Variants in AKAP7 observed in about 807,000 individuals in gnomAD.
AKAP7 encodes A kinase (PRKA) anchor protein 7.
A neutral mutation model predicts 39.5 loss-of-function variants in AKAP7; 39 were observed. The observed-to-expected ratio is 0.99, with a 90% CI of 0.76 to 1.29. AKAP7 has a LOEUF of 1.29. Among genes scored for constraint, AKAP7 ranks in the 50% most tolerant of loss-of-function variants. The probability of loss-of-function intolerance (pLI) is 0.00; values close to 1 mark genes in which losing one functional copy is unlikely to be tolerated. For missense variants in AKAP7, 414 were observed against 407.7 expected (o/e 1.02, Z -0.13); for synonymous variants, 140 against 139.1 (o/e 1.01, Z -0.05).
chr6:131,270,029 A>G (rs982436189), intron 7 of AKAP7, among the ~76,000 whole-genome samples: 18 of 152,196 alleles, frequency 1.2e-4, no homozygotes, highest in South Asian at 2.1e-4. Context: ...GTTGACCCCA[A>G]TAGAGGCTGA....
intron 1 of AKAP7, 24 bp downstream of exon 1, chr6:131,135,806 C>A: frequency 1.6e-6 from 2 of 1,227,136 alleles, no homozygotes; most frequent in Non-Finnish European, 2.0e-6. Context: ...GTCCAGCGGG[C>A]CGGGGCGGGG....
intron 1 of AKAP7, among the ~76,000 whole-genome samples, chr6:131,137,918 C>T (rs1800707743): frequency 6.6e-6 from 1 of 152,176 alleles, no homozygotes; most frequent in East Asian, 1.9e-4. Flanking sequence ...AATTGTAAAT[C>T]ATAGAGCATA....
At chr6:131,155,961 G>A (rs979170254) in intron 2 of AKAP7, among the ~76,000 whole-genome samples, 3 of 152,188 alleles carry the variant, frequency 2.0e-5, no homozygotes, top group Admixed American at 1.3e-4. Flanking sequence ...CCAAGGATTA[G>A]TAAGATTTTT....
chr6:131,225,098 T>G (rs2128301703), intron 7 of AKAP7, among the ~76,000 whole-genome samples: 1 of 152,208 alleles, frequency 6.6e-6, no homozygotes, highest in African/African-American at 2.4e-5. Context: ...TATTCTTTGC[T>G]TCATGGATAT....
At chr6:131,196,483 C>A (rs1028447565) in intron 5 of AKAP7, among the ~76,000 whole-genome samples, 1 of 151,990 alleles carries the variant, frequency 6.6e-6, no homozygotes, top group Non-Finnish European at 1.5e-5. Context: ...AGGCTGGTCT[C>A]GAACTTCTGA....
At chr6:131,213,320 G>C (rs1379603353) in intron 6 of AKAP7, among the ~76,000 whole-genome samples, 1 of 152,122 alleles carries the variant, frequency 6.6e-6, no homozygotes, top group East Asian at 1.9e-4. Flanking sequence ...TATACCAGTG[G>C]CTTACTGGCA....
chr6:131,209,834 C>T (rs2128290298), intron 6 of AKAP7, among the ~76,000 whole-genome samples: 1 of 152,236 alleles, frequency 6.6e-6, no homozygotes, highest in African/African-American at 2.4e-5. Context: ...GCAAGTCCCA[C>T]AGTGGATTGA....
chr6:131,168,472 AGAAGAAG>A (rs1367535228), intron 4 of AKAP7, among the ~76,000 whole-genome samples: 1 of 152,000 alleles, frequency 6.6e-6, no homozygotes, highest in African/African-American at 2.4e-5. Context: ...GAGGGAGAAA[AGAAGAAG>A]GAAGAAGGAA....
intron 2 of AKAP7, among the ~76,000 whole-genome samples, chr6:131,149,924 A>C (rs1207786644): frequency 6.6e-6 from 1 of 152,066 alleles, no homozygotes; most frequent in Non-Finnish European, 1.5e-5. Context: ...CTTTGTGGAG[A>C]GTTTTAGTTT....
chr6:131,189,053 G>A (rs1205151125), intron 5 of AKAP7, among the ~76,000 whole-genome samples: 2 of 152,130 alleles, frequency 1.3e-5, no homozygotes, highest in Non-Finnish European at 2.9e-5. Flanking sequence ...TTAACCTATA[G>A]CTGGGCAAAA....
intron 7 of AKAP7, among the ~76,000 whole-genome samples, chr6:131,226,348 G>T (rs1186073203): frequency 6.6e-6 from 1 of 152,184 alleles, no homozygotes; most frequent in African/African-American, 2.4e-5. Context: ...CCTATTTTCA[G>T]ATATAAGAAA....
chr6:131,273,296 G>T (rs773692000), intron 7 of AKAP7, among the ~76,000 whole-genome samples: 4 of 151,998 alleles, frequency 2.6e-5, no homozygotes, highest in Non-Finnish European at 4.4e-5. Flanking sequence ...CTGTTCATTG[G>T]AGTGTCTAGG....
upstream of AKAP7, among the ~76,000 whole-genome samples, chr6:131,135,120 C>A (rs545692637): frequency 1.3e-5 from 2 of 152,310 alleles, no homozygotes; most frequent in East Asian, 3.9e-4. Flanking sequence ...TTGTACATTT[C>A]GCTCTTCCCA....
At chr6:131,264,313 CTG>C (rs1213133753) in intron 7 of AKAP7, among the ~76,000 whole-genome samples, 1 of 152,164 alleles carries the variant, frequency 6.6e-6, no homozygotes, top group Non-Finnish European at 1.5e-5. Context: ...AAACCTAAAA[CTG>C]TATGTATCAC....
intron 2 of AKAP7, among the ~76,000 whole-genome samples, 157 bp downstream of exon 2, chr6:131,145,573 C>T (rs1375153472): frequency 6.6e-6 from 1 of 152,056 alleles, no homozygotes; most frequent in Non-Finnish European, 1.5e-5. Context: ...TTTTGAGACA[C>T]AGTCTTGCTC....
chr6:131,225,047 C>T (rs887142159), intron 7 of AKAP7, among the ~76,000 whole-genome samples: 4 of 152,060 alleles, frequency 2.6e-5, no homozygotes, highest in Non-Finnish European at 4.4e-5. Flanking sequence ...TGAATTACTG[C>T]ACCTGGCCTC....
chr6:131,193,218 T>C lies in AKAP7; in HGVS notation c.590-6243T>C, dbSNP rs116625562. ...CAGTATGATACGAGATGTGGATCTA[T>C]TGTATATAGCTTTTATTATGTTGAA... On this transcript the variant is annotated intron_variant, in intron 5 of 7. Transcript: ENST00000431975. Among the ~76,000 whole-genome samples the C allele has an allele frequency of 7.3e-3, 1,115 of 152,244 alleles. 15 individuals carry two copies. Among genetic ancestry groups the C allele is most frequent in the African/African-American group, 0.025 (1,047 of 41,550 alleles).
intron 6 of AKAP7, among the ~76,000 whole-genome samples, chr6:131,202,615 T>TGGGGGAG (rs1157681712): frequency 1.8e-5 from 1 of 54,592 alleles, no homozygotes; most frequent in Non-Finnish European, 3.4e-5. Flanking sequence ...TGTTGTGGGA[T>TGGGGGAG]GGGGGAGGGG....
At chr6:131,247,887 C>T (rs1302403891) in intron 7 of AKAP7, among the ~76,000 whole-genome samples, 4 of 152,154 alleles carry the variant, frequency 2.6e-5, no homozygotes, top group African/African-American at 9.7e-5. Flanking sequence ...ACCTTGGCCC[C>T]CCAAAGTGCT....
Sources: allele counts gnomAD v4.1 joint callset (sites outside exome capture counted in the v4.1 genomes callset), GRCh38; gene constraint gnomAD v4.1.1; transcripts MANE v1.5; gene names NCBI Gene and HGNC (gene_info 2026-07-23, HGNC 2026-07-21).